The following PTCD1 variants were observed in gnomAD, a reference collection of about 807,000 sequenced individuals.
PTCD1 encodes the protein pentatricopeptide repeat-containing protein 1, mitochondrial.
A neutral mutation model predicts 53.4 loss-of-function variants in PTCD1; 50 were observed. That is an observed-to-expected ratio of 0.94 (90% confidence interval 0.75 to 1.19). The LOEUF (loss-of-function observed/expected upper bound fraction) is 1.19, where lower values mean the gene tolerates loss of function less well. Ranked by LOEUF, PTCD1 falls within the 50% of genes most tolerant of loss-of-function variation. The pLI is 0.00. For synonymous variants in PTCD1, 413 were observed against 394.8 expected, an observed-to-expected ratio of 1.05 and a Z score of -0.55; for missense variants, 918 against 904.8, an observed-to-expected ratio of 1.01 and a Z score of -0.19.
intron 6 of PTCD1, 103 bp from the exon 7 acceptor site, chr7:99,424,060 G>A: frequency 6.7e-7 from 1 of 1,491,306 alleles, no homozygotes; most frequent in Non-Finnish European, 9.1e-7. Flanking sequence ...CAGCGGCCAG[G>A]GCCAGCAAGG....
At chr7:99,438,496 CG>C in intron 1 of PTCD1, 195 bp downstream of exon 1, 6 of 1,105,224 alleles carry the variant, frequency 5.4e-6, no homozygotes, top group Non-Finnish European at 6.7e-6. Context: ...CGTCCTTCCT[CG>C]GAGAGACCCG....
At chr7:99,424,640 C>A (rs886074217) in intron 6 of PTCD1, among the ~76,000 whole-genome samples, 155 bp downstream of exon 6, 6 of 152,298 alleles carry the variant, frequency 3.9e-5, no homozygotes, top group African/African-American at 1.2e-4. Context: ...CAAAATGGGA[C>A]CAAAGACCAG....
intron 1 of PTCD1, 97 bp from the exon 2 acceptor site, chr7:99,435,365 G>C: frequency 6.7e-7 from 1 of 1,485,410 alleles, no homozygotes; most frequent in South Asian, 1.2e-5. Flanking sequence ...CAGGCCAGGC[G>C]CGGTGGCTCA....
chr7:99,435,955 A>G (rs1309218785), intron 1 of PTCD1, among the ~76,000 whole-genome samples: 2 of 151,134 alleles, frequency 1.3e-5, no homozygotes, highest in Non-Finnish European at 2.9e-5. Flanking sequence ...AAATAATAAT[A>G]ATAAATAAAA....
Position 99,419,371 on chromosome 7 carries a change from A to G in PTCD1, c.*596T>C, listed in dbSNP as rs1276062588. 2 of 1,612,642 alleles carry G rather than the reference A, an allele frequency of 1.2e-6. No homozygotes were observed. The highest frequency in any genetic ancestry group is 1.1e-5 in the South Asian group (1 of 91,082). ...GAGCGTGGCGCAGTGGCATCGTCTC[A>G]CTGTCCTCCTCCGTTGCAGGGCCGC... is the stretch of plus-strand genomic sequence containing the variant. On this transcript the variant is annotated 3_prime_UTR_variant, in exon 8 of 8. Transcript: ENST00000292478.
At chr7:99,423,077 CTTT>C (rs549528622) in intron 7 of PTCD1, among the ~76,000 whole-genome samples, 5 of 140,318 alleles carry the variant, frequency 3.6e-5, no homozygotes, top group African/African-American at 1.1e-4. Flanking sequence ...CTCTTAACCT[CTTT>C]TTTTTTTTTT....
chr7:99,425,330 G>A lies in PTCD1; in HGVS notation c.1202C>T (p.Pro401Leu). The A allele has an allele frequency of 2.5e-6, 4 of 1,614,214 alleles. No individual in the cohort carries two copies. The highest frequency in any genetic ancestry group is 3.4e-6 in the Non-Finnish European group (4 of 1,180,040). Residue 401 changes from proline to leucine, a missense_variant, in exon 6 of 8, where the codon CCT becomes CTT. Coordinates refer to ENST00000292478, the MANE Select transcript of PTCD1 (RefSeq NM_015545.4). ...CTTGCCGGGCACTCTGGCTTCCGGA[G>A]GCTCTGGAGGCCCAAGTGCCTGAGA... ...EPSQALGPPE[P>L]PEARVPGKAQ...
chr7:99,436,484 G>C (rs1051979590), intron 1 of PTCD1, among the ~76,000 whole-genome samples: 2 of 152,108 alleles, frequency 1.3e-5, no homozygotes, highest in Admixed American at 1.3e-4. Flanking sequence ...GCGTGACAGC[G>C]TGCCCCTGTA....
At position 99,419,474 on chromosome 7, in the gene PTCD1, C is replaced by G. The variant is rs770818301; in HGVS notation, c.*493G>C. 2 of 1,608,166 alleles carry G rather than the reference C, an allele frequency of 1.2e-6. No individual in the cohort carries two copies. Among genetic ancestry groups the G allele is most frequent in the Non-Finnish European group, 1.7e-6 (2 of 1,179,574 alleles). On this transcript the variant is annotated 3_prime_UTR_variant, in exon 8 of 8. Coordinates refer to ENST00000292478, the MANE Select transcript of PTCD1 (RefSeq NM_015545.4). ...GCGCTCCACCCTGGACTCTGGACTT[C>G]GCAGGTTCCTGCCTGTCACGCCACC...
At chr7:99,433,554 C>T (rs1796341658) in intron 2 of PTCD1, 136 bp from the exon 3 acceptor site, 2 of 1,541,840 alleles carry the variant, frequency 1.3e-6, no homozygotes, top group Non-Finnish European at 1.7e-6. Flanking sequence ...ACCCCCTGGG[C>T]CCCCAGCTGT....
chr7:99,419,547 G>A lies in PTCD1; in HGVS notation c.*420C>T, dbSNP rs1222321807. 8.6e-6 allele frequency: 11 copies of A among 1,284,906 alleles called. No homozygotes were observed. The highest frequency in any genetic ancestry group is 1.2e-5 in the South Asian group (1 of 83,548). 79.6% of individuals were successfully genotyped at this position (1,284,906 alleles called of 1,614,324 possible). Reference sequence around the variant, plus strand: ...GTGCCCCAGGCCCGAGTTGGAGCACGGTCTCTATGGGGAAGGCTTCGCTGT... The same window carrying A: ...GTGCCCCAGGCCCGAGTTGGAGCACAGTCTCTATGGGGAAGGCTTCGCTGT... On this transcript the variant is annotated 3_prime_UTR_variant, in exon 8 of 8. Coordinates refer to ENST00000292478, the MANE Select transcript of PTCD1 (RefSeq NM_015545.4).
rs1394411797 is a variant in PTCD1, at chr7:99,435,145, C to T, written c.98G>A (p.Gly33Glu). 6.2e-7 allele frequency: 1 copy of T among 1,600,968 alleles called. No homozygotes were observed. Among genetic ancestry groups the T allele is most frequent in the African/African-American group, 1.3e-5 (1 of 74,788 alleles). ...TGGCCGCATCAGCCCCTCCCTGCCT[C>T]CTGCCCACCTGGCTCTACAGGGGTC... ...HLDPCRARWAGGREGLMRPMW... is the reference protein window; with the variant it reads ...HLDPCRARWAEGREGLMRPMW... Residue 33 changes from glycine to glutamate, a missense_variant, in exon 2 of 8, where the codon GGA becomes GAA. Physicochemically the swap from Gly to Glu is moderately conservative, Grantham distance 98. Transcript: ENST00000292478.
intron 3 of PTCD1, 107 bp downstream of exon 3, chr7:99,433,171 G>C: frequency 6.4e-7 from 1 of 1,556,528 alleles, no homozygotes; most frequent in Non-Finnish European, 8.9e-7. Flanking sequence ...TCTGAGGCCA[G>C]GGAGGTGAAG....
At chr7:99,421,421 C>T (rs1205305378) in intron 7 of PTCD1, among the ~76,000 whole-genome samples, 3 of 145,666 alleles carry the variant, frequency 2.1e-5, no homozygotes, top group East Asian at 4.0e-4. Context: ...GAGTGATTCC[C>T]GTCTCTTTAA....
At position 99,419,406 on chromosome 7, in the gene PTCD1, T is replaced by C; in HGVS notation, c.*561A>G. The C allele has an allele frequency of 6.2e-7, 1 of 1,613,110 alleles. No homozygotes were observed. On this transcript the variant is annotated 3_prime_UTR_variant, in exon 8 of 8. Transcript: ENST00000292478. The stretch of plus-strand genomic sequence containing the variant: ...TCCGTTGCAGGGCCGCATCATCGAG[T>C]GCACACACTGTGGCTGTCGTGGCTG...
At chr7:99,437,006 T>C (rs556700969) in intron 1 of PTCD1, among the ~76,000 whole-genome samples, 36 of 152,186 alleles carry the variant, frequency 2.4e-4, no homozygotes, top group Non-Finnish European at 4.7e-4. Flanking sequence ...CTAGCACTAC[T>C]GGTGCACACC....
At chr7:99,434,532 T>C (rs186229653) in intron 2 of PTCD1, among the ~76,000 whole-genome samples, 4 of 150,264 alleles carry the variant, frequency 2.7e-5, no homozygotes, top group Non-Finnish European at 5.9e-5. Flanking sequence ...AGACAGACTC[T>C]TGTTCTGTGA....
chr7:99,421,821 T>C (rs905997301), intron 7 of PTCD1, among the ~76,000 whole-genome samples: 1 of 152,140 alleles, frequency 6.6e-6, no homozygotes, highest in African/African-American at 2.4e-5. Context: ...TTTATAATTA[T>C]GCAAAAGTGA....
At chr7:99,428,187 T>G (rs898351796) in intron 5 of PTCD1, among the ~76,000 whole-genome samples, 2 of 150,398 alleles carry the variant, frequency 1.3e-5, no homozygotes, top group Non-Finnish European at 3.0e-5. Context: ...GATCACGAGG[T>G]AGGAGAGCGA....
Sources: gnomAD v4.1 joint callset for allele counts (sites outside exome capture counted in the v4.1 genomes callset) on GRCh38, gnomAD v4.1.1 for gene constraint, MANE v1.5 for transcripts, NCBI Gene and HGNC (gene_info 2026-07-23, HGNC 2026-07-21) for gene names.